The following PRSS3 variants were observed in gnomAD, a reference collection of about 807,000 sequenced individuals.
PRSS3 encodes trypsin-3.
PRSS3 carries 14 observed loss-of-function variants against 20.8 expected under a neutral mutation model. The observed-to-expected ratio is 0.67, with a 90% CI of 0.44 to 1.05. The LOEUF is 1.05. Ranked by LOEUF, PRSS3 falls within the 50% of genes least tolerant of loss-of-function variation. The pLI is 0.00. For synonymous variants in PRSS3, 91 were observed against 117.6 expected (o/e 0.77, Z 1.46); for missense variants, 237 against 306.4 (o/e 0.77, Z 1.69).
upstream of PRSS3, chr9:33,794,655 C>G: frequency 5.6e-6 from 8 of 1,421,772 alleles, no homozygotes; most frequent in Non-Finnish European, 7.4e-6. Flanking sequence ...TTACCATGGT[C>G]CAAACTCTGA....
chr9:33,777,644 C>T (rs917514332), intron 1 of PRSS3, among the ~76,000 whole-genome samples: 2 of 148,988 alleles, frequency 1.3e-5, no homozygotes. Flanking sequence ...GGAGGCGGAG[C>T]TTGCAGTGAG....
intron 1 of PRSS3, among the ~76,000 whole-genome samples, chr9:33,777,126 A>G (rs1823968965): frequency 6.6e-6 from 1 of 152,170 alleles, no homozygotes; most frequent in Non-Finnish European, 1.5e-5. Context: ...ATACCAGAAG[A>G]GAAGGGAACT....
chr9:33,782,315 G>A (rs1442241996), intron 1 of PRSS3, among the ~76,000 whole-genome samples: 2 of 152,168 alleles, frequency 1.3e-5, no homozygotes, highest in Non-Finnish European at 2.9e-5. Context: ...ATTAAAGGAG[G>A]TAATTAAAGA....
intron 1 of PRSS3, 85 bp from the exon 2 acceptor site, chr9:33,796,558 T>C: frequency 6.4e-7 from 1 of 1,561,898 alleles, no homozygotes; most frequent in Non-Finnish European, 8.8e-7. Flanking sequence ...TAAGGATTTC[T>C]AATTGGCAGG....
At chr9:33,794,736 C>T, upstream of PRSS3, 1 of 1,543,762 alleles carries the variant, frequency 6.5e-7, no homozygotes, top group Non-Finnish European at 8.7e-7. Context: ...TTGCATCACC[C>T]TAAGTGCAGG....
intron 1 of PRSS3, among the ~76,000 whole-genome samples, chr9:33,753,915 G>T (rs1334318719): frequency 2.0e-5 from 3 of 152,158 alleles, no homozygotes; most frequent in Non-Finnish European, 4.4e-5. Flanking sequence ...TCTGAGACAG[G>T]TTCCTTGTGT....
chr9:33,767,803 C>T (rs1340466030), intron 1 of PRSS3, among the ~76,000 whole-genome samples: 1 of 151,966 alleles, frequency 6.6e-6, no homozygotes, highest in Non-Finnish European at 1.5e-5. Flanking sequence ...CCAGCCTGGG[C>T]AACAAGAGCG....
intron 1 of PRSS3, among the ~76,000 whole-genome samples, chr9:33,795,952 C>T (rs55917897): frequency 0.07 from 9,229 of 132,434 alleles, 302 homozygotes; most frequent in Non-Finnish European, 0.1. Flanking sequence ...CTCTTAACCT[C>T]GAATGCACCT....
chr9:33,758,419 C>T (rs1823047259), intron 1 of PRSS3, among the ~76,000 whole-genome samples: 1 of 152,180 alleles, frequency 6.6e-6, no homozygotes, highest in African/African-American at 2.4e-5. Context: ...CAGTGCAAAA[C>T]AGTGATCTGT....
intron 1 of PRSS3, among the ~76,000 whole-genome samples, chr9:33,753,242 C>A (rs928619607): frequency 1.3e-5 from 2 of 152,050 alleles, no homozygotes; most frequent in Non-Finnish European, 2.9e-5. Flanking sequence ...TAGAAACTCT[C>A]ATTTGGTATA....
Position 33,798,475 on chromosome 9 carries a change from G to GATCCTCACAGCTGACT in PRSS3, c.455-9_461dup, listed in dbSNP as rs145722575. ...TTTCTACTTTCTTTGATCTCTTCCT[G>GATCCTCACAGCTGACT]ATCCTCACAGCTGACTACCCAGACG... On this transcript the variant is annotated splice_polypyrimidine_tract_variant and intron_variant, in intron 3 of 4. Transcript: ENST00000379405. The GATCCTCACAGCTGACT allele has an allele frequency of 2.6e-3, 4,162 of 1,613,818 alleles. 26 individuals are homozygous for GATCCTCACAGCTGACT. The highest frequency in any genetic ancestry group is 0.018 in the African/African-American group (1,346 of 74,958).
intron 1 of PRSS3, among the ~76,000 whole-genome samples, chr9:33,771,314 C>T (rs1823679559): frequency 1.3e-5 from 2 of 149,172 alleles, no homozygotes; most frequent in Non-Finnish European, 3.0e-5. Context: ...GGTTTCTTTT[C>T]CTTTTTTTTT....
intron 1 of PRSS3, among the ~76,000 whole-genome samples, chr9:33,775,661 A>T (rs1823888241): frequency 6.6e-6 from 1 of 151,860 alleles, no homozygotes; most frequent in East Asian, 1.9e-4. Context: ...AGCCCCACAC[A>T]GATCAACTAA....
intron 1 of PRSS3, among the ~76,000 whole-genome samples, chr9:33,788,009 G>A (rs1587392897): frequency 6.6e-6 from 1 of 152,178 alleles, no homozygotes. Context: ...TACTTGCACT[G>A]CCACTGGGGG....
rs112097399 is a variant in PRSS3, at chr9:33,784,963, A to G, written c.-52-9783A>G. Among the ~76,000 whole-genome samples, 544 of 152,298 alleles carry G rather than the reference A, an allele frequency of 3.6e-3. 6 individuals carry two copies. The highest frequency in any genetic ancestry group is 0.012 in the African/African-American group (511 of 41,540). The stretch of plus-strand genomic sequence containing the variant: ...TTTAAGGTCTCTAGGTCTTATCTGT[A>G]AAATTTCCTAATCTGTAAAAATAGT... On this transcript the variant is annotated intron_variant, in intron 1 of 5. Coordinates refer to the PRSS3 transcript ENST00000342836.
At chr9:33,788,593 G>T (rs1824505502) in intron 1 of PRSS3, among the ~76,000 whole-genome samples, 1 of 152,124 alleles carries the variant, frequency 6.6e-6, no homozygotes, top group Non-Finnish European at 1.5e-5. Flanking sequence ...CATATTTCCA[G>T]TTGAGAAACA....
At chr9:33,761,566 C>T (rs1168787396) in intron 1 of PRSS3, among the ~76,000 whole-genome samples, 1 of 151,918 alleles carries the variant, frequency 6.6e-6, no homozygotes, top group Non-Finnish European at 1.5e-5. Flanking sequence ...ATTAGCCAGG[C>T]GTGGTGGTGC....
At chr9:33,791,822 T>C (rs537222006), upstream of PRSS3, among the ~76,000 whole-genome samples, 1 of 152,190 alleles carries the variant, frequency 6.6e-6, no homozygotes, top group African/African-American at 2.4e-5. Flanking sequence ...CATTTACCCA[T>C]ACATGGAAGC....
intron 1 of PRSS3, among the ~76,000 whole-genome samples, chr9:33,774,307 T>G (rs1823827216): frequency 6.6e-6 from 1 of 152,148 alleles, no homozygotes; most frequent in Non-Finnish European, 1.5e-5. Context: ...ATATAGCCCA[T>G]CCCCATCAAA....
Sources: allele counts gnomAD v4.1 joint callset (sites outside exome capture counted in the v4.1 genomes callset), GRCh38; gene constraint gnomAD v4.1.1; transcripts MANE v1.5; gene names NCBI Gene and HGNC (gene_info 2026-07-23, HGNC 2026-07-21).